Variants in FAM120C observed in about 807,000 individuals in gnomAD.
FAM120C encodes the protein constitutive coactivator of PPAR-gamma-like protein 2.
In FAM120C, 14 loss-of-function variants were observed where a neutral mutation model predicts 71.2. The ratio of observed to expected loss-of-function variants is 0.20; its 90% confidence interval spans 0.13 to 0.31. FAM120C has a LOEUF of 0.31. Ranked by LOEUF, FAM120C falls within the 10% of genes least tolerant of loss-of-function variation. The pLI is 1.00. For synonymous variants in FAM120C, 354 were observed against 353.2 expected (o/e 1.00, Z -0.03); for missense variants, 500 against 879.0 (o/e 0.57, Z 5.45).
intron 1 of FAM120C, among the ~76,000 whole-genome samples, chrX:54,181,516 G>A (rs2067349864): frequency 8.9e-6 from 1 of 111,908 alleles, no homozygotes; most frequent in African/African-American, 3.3e-5. Flanking sequence ...GGCCCCATAT[G>A]CAGTGACCCA....
intron 4 of FAM120C, among the ~76,000 whole-genome samples, chrX:54,150,583 A>G (rs1360106270): frequency 9.0e-6 from 1 of 111,692 alleles, no homozygotes; most frequent in African/African-American, 3.3e-5. Context: ...TGGCCTCCCA[A>G]AGTGCTGGTA....
At chrX:54,178,565 G>A (rs1241626882) in intron 1 of FAM120C, among the ~76,000 whole-genome samples, 5 of 111,882 alleles carry the variant, frequency 4.5e-5, no homozygotes, top group Non-Finnish European at 9.4e-5. Flanking sequence ...GTAAAATGGG[G>A]AGAATACCAT....
chrX:54,129,439 G>A (rs1193778503), intron 9 of FAM120C, among the ~76,000 whole-genome samples: 1 of 108,786 alleles, frequency 9.2e-6, no homozygotes, highest in Non-Finnish European at 1.9e-5. Context: ...GGGCAGAGAA[G>A]CTCCTCACTT....
intron 11 of FAM120C, 126 bp from the exon 12 acceptor site, chrX:54,088,090 TCAGTG>T: frequency 1.8e-6 from 1 of 545,257 alleles, no homozygotes; most frequent in Non-Finnish European, 3.0e-6. Context: ...TGTAGACATC[TCAGTG>T]CATAAGCAGC....
chrX:54,099,474 C>T (rs1416244953), intron 10 of FAM120C, among the ~76,000 whole-genome samples: 2 of 111,964 alleles, frequency 1.8e-5, no homozygotes, highest in East Asian at 2.8e-4. Flanking sequence ...GTTTCTAGCA[C>T]ACAAATTTTA....
intron 4 of FAM120C, among the ~76,000 whole-genome samples, chrX:54,144,027 G>A (rs1390212185): frequency 2.7e-5 from 3 of 111,646 alleles, no homozygotes; most frequent in Non-Finnish European, 3.8e-5. Flanking sequence ...ATCAATAAAC[G>A]CAATCCATCA....
intron 13 of FAM120C, among the ~76,000 whole-genome samples, chrX:54,083,931 G>C (rs1334747019): frequency 9.0e-6 from 1 of 111,281 alleles, no homozygotes; most frequent in African/African-American, 3.3e-5. Flanking sequence ...TGTTGGCCAG[G>C]CTTGTCTGGA....
At chrX:54,142,775 T>G (rs782410138) in intron 4 of FAM120C, among the ~76,000 whole-genome samples, 1 of 111,928 alleles carries the variant, frequency 8.9e-6, no homozygotes, top group East Asian at 2.8e-4. Flanking sequence ...GATCTGAGAA[T>G]GGACAGACTG....
intron 10 of FAM120C, among the ~76,000 whole-genome samples, chrX:54,096,767 A>C (rs1323378856): frequency 8.9e-6 from 1 of 111,745 alleles, no homozygotes; most frequent in Non-Finnish European, 1.9e-5. Flanking sequence ...TCTTGCCTAT[A>C]TCTCTGATTA....
intron 10 of FAM120C, among the ~76,000 whole-genome samples, chrX:54,110,889 G>A (rs1333411837): frequency 1.8e-5 from 2 of 108,931 alleles, no homozygotes; most frequent in Admixed American, 2.0e-4. Flanking sequence ...GAGAAACCCC[G>A]TCTCTACTAA....
rs1557137960 is a variant in FAM120C at position 54,183,234 on chromosome X, A to T, written c.-36T>A. ...TGGGCAGACGCGATAGCGGCTGCGCAAGCAGGATAGGCGACGATCTGGGCG... is the reference window on the plus strand; with the variant it reads ...TGGGCAGACGCGATAGCGGCTGCGCTAGCAGGATAGGCGACGATCTGGGCG... On this transcript the variant is annotated 5_prime_UTR_variant, in exon 1 of 16. Coordinates refer to ENST00000375180, the MANE Select transcript of FAM120C (RefSeq NM_017848.6). 3.0e-5 allele frequency: 31 copies of T among 1,026,436 alleles called. No individual in the cohort carries two copies. Among genetic ancestry groups the T allele is most frequent in the Admixed American group, 4.3e-5 (1 of 23,327 alleles). 84.6% of individuals were successfully genotyped at this position (1,026,436 alleles called of 1,213,427 possible).
intron 4 of FAM120C, among the ~76,000 whole-genome samples, chrX:54,146,759 G>A (rs2067158545): frequency 8.9e-6 from 1 of 112,175 alleles, no homozygotes; most frequent in Non-Finnish European, 1.9e-5. Context: ...CAGTAATCAA[G>A]ATAGTGTATT....
intron 10 of FAM120C, among the ~76,000 whole-genome samples, chrX:54,099,724 A>G (rs2066872915): frequency 8.9e-6 from 1 of 112,151 alleles, no homozygotes; most frequent in Non-Finnish European, 1.9e-5. Flanking sequence ...TGTAAAGACT[A>G]TTTTTCCCCC....
intron 10 of FAM120C, among the ~76,000 whole-genome samples, chrX:54,098,642 G>A (rs1246461035): frequency 9.1e-6 from 1 of 109,991 alleles, no homozygotes; most frequent in Non-Finnish European, 1.9e-5. Context: ...ATTTTATTTT[G>A]AGACAGAGTC....
At position 54,152,921 on chromosome X, in the gene FAM120C, C is replaced by T. The variant is rs1557133181; in HGVS notation, c.1030-1548G>A. Among the ~76,000 whole-genome samples the T allele has an allele frequency of 2.7e-5, 3 of 111,223 alleles. 1 individual carries two copies. The highest frequency in any genetic ancestry group is 9.6e-5 in the Admixed American group (1 of 10,391). ...AGTAAAATGTATAGTGTAGGCTGGG[C>T]GCGGTGACCCATGCCAGTAGTCCCG... On this transcript the variant is annotated intron_variant, in intron 3 of 15. Coordinates refer to ENST00000375180, the MANE Select transcript of FAM120C (RefSeq NM_017848.6).
chrX:54,150,908 T>G (rs948301858), intron 4 of FAM120C, among the ~76,000 whole-genome samples: 12 of 110,082 alleles, frequency 1.1e-4, no homozygotes, highest in South Asian at 3.9e-4. Context: ...AGAGATGGGA[T>G]TTCATCATGT....
At chrX:54,113,862 G>C (rs2066952068) in intron 10 of FAM120C, among the ~76,000 whole-genome samples, 1 of 111,085 alleles carries the variant, frequency 9.0e-6, no homozygotes, top group Admixed American at 9.7e-5. Flanking sequence ...ATTGCGGTGA[G>C]CCGAGATCGT....
chrX:54,168,162 G>A (rs1406159234), intron 1 of FAM120C, among the ~76,000 whole-genome samples: 1 of 110,799 alleles, frequency 9.0e-6, no homozygotes, highest in African/African-American at 3.3e-5. Flanking sequence ...ATTTTTTGAG[G>A]GTATCATTTT....
chrX:54,183,121 G>C lies in FAM120C; in HGVS notation c.78C>G (p.Leu26=), dbSNP rs2067365269. 1.7e-6 allele frequency: 2 copies of C among 1,155,751 alleles called. No individual in the cohort carries two copies. The highest frequency in any genetic ancestry group is 1.9e-5 in the South Asian group (1 of 51,837). The change falls in exon 1 of 16, where the codon CTC becomes CTG. Residue 26 remains leucine, a synonymous_variant. Coordinates refer to ENST00000375180, the MANE Select transcript of FAM120C (RefSeq NM_017848.6). Reference sequence around the variant, plus strand: ...GCTGCTGGCGCGAGACCGTGCGCGCGAGTTTTAGGAGGTCCACGGGCACCA... The same window carrying C: ...GCTGCTGGCGCGAGACCGTGCGCGCCAGTTTTAGGAGGTCCACGGGCACCA... ...GAVVPVDLLK[L]ARTVSRQQQQ... is the part of the protein sequence containing the mutation.
Sources: allele counts gnomAD v4.1 joint callset (sites outside exome capture counted in the v4.1 genomes callset), GRCh38; gene constraint gnomAD v4.1.1; transcripts MANE v1.5; gene names NCBI Gene and HGNC (gene_info 2026-07-23, HGNC 2026-07-21).